Variants in HPSE2 observed in about 807,000 individuals in gnomAD.
HPSE2 encodes inactive heparanase-2.
HPSE2 carries 38 observed loss-of-function variants against 60.5 expected under a neutral mutation model. The ratio of observed to expected loss-of-function variants is 0.63; its 90% CI spans 0.48 to 0.82. The LOEUF is 0.82. Ranked by LOEUF, HPSE2 falls within the 40% of genes least tolerant of loss-of-function variation. The probability of loss-of-function intolerance (pLI) is 0.00; values close to 1 mark genes in which losing one functional copy is unlikely to be tolerated. For synonymous variants in HPSE2, 295 were observed against 293.2 expected, an observed-to-expected ratio of 1.01 and a Z score of -0.06; for missense variants, 713 against 740.4, an observed-to-expected ratio of 0.96 and a Z score of 0.43.
At chr10:99,081,126 G>C (rs1843120657) in intron 3 of HPSE2, among the ~76,000 whole-genome samples, 4 of 152,176 alleles carry the variant, frequency 2.6e-5, no homozygotes. Flanking sequence ...TAAACCAAAA[G>C]TAGAGAATGT....
At chr10:98,600,911 G>GTATATATGTGTGTGTATATATATATATA (rs576143051) in intron 9 of HPSE2, among the ~76,000 whole-genome samples, 1 of 73,700 alleles carries the variant, frequency 1.4e-5, no homozygotes, top group African/African-American at 3.7e-5. Flanking sequence ...ATGTGTGTGT[G>GTATATATGTGTGTGTATATATATATATA]TATATATATA....
At position 98,932,268 on chromosome 10, in the gene HPSE2, C is replaced by T. The variant is rs1159936659; in HGVS notation, c.611-188212G>A. On this transcript the variant is annotated intron_variant, in intron 3 of 11. Coordinates refer to ENST00000370552, the MANE Select transcript of HPSE2 (RefSeq NM_021828.5). ...TTAGTTCTGTTTATGTGATGAATTA[C>T]ATTTATTGATTTGCATATATTGAAC... is the stretch of plus-strand genomic sequence containing the variant. 1.4e-5 allele frequency among the ~76,000 whole-genome samples: 2 copies of T among 144,270 alleles called. 1 individual carries two copies. Among genetic ancestry groups the T allele is most frequent in the African/African-American group, 5.6e-5 (2 of 35,606 alleles). 94.6% of individuals were successfully genotyped at this position (144,270 alleles called of 152,430 possible). A position where few individuals can be genotyped will look rare whatever the true frequency, so the allele number is the denominator to read the frequency against.
intron 3 of HPSE2, among the ~76,000 whole-genome samples, chr10:98,797,858 C>CA (rs1031844558): frequency 7.3e-5 from 11 of 150,660 alleles, no homozygotes; most frequent in African/African-American, 2.7e-4. Context: ...AAACAAAAAA[C>CA]AAAAAAACAA....
chr10:98,821,021 T>A (rs1048652113), intron 3 of HPSE2, among the ~76,000 whole-genome samples: 4 of 152,212 alleles, frequency 2.6e-5, no homozygotes, highest in African/African-American at 7.2e-5. Context: ...ATGAGACACA[T>A]CATGACTGTT....
the HPSE2 span, among the ~76,000 whole-genome samples, chr10:99,281,020 GATA>G: frequency 6.6e-6 from 1 of 151,926 alleles, no homozygotes; most frequent in Admixed American, 6.6e-5. Flanking sequence ...GTAAAATTAT[GATA>G]ATAATAGTAC....
chr10:99,251,446 A>G, the HPSE2 span, among the ~76,000 whole-genome samples: 2 of 152,252 alleles, frequency 1.3e-5, no homozygotes, highest in African/African-American at 2.4e-5. Flanking sequence ...TTCTAGTGAA[A>G]CTATTCCAAA....
intron 8 of HPSE2, among the ~76,000 whole-genome samples, chr10:98,615,309 C>G (rs549459865): frequency 6.6e-6 from 1 of 152,222 alleles, no homozygotes; most frequent in South Asian, 2.1e-4. Context: ...CTTTTTATTC[C>G]TGAAATACTA....
chr10:98,982,743 T>G (rs904152725), intron 3 of HPSE2, among the ~76,000 whole-genome samples: 1 of 152,184 alleles, frequency 6.6e-6, no homozygotes, highest in Non-Finnish European at 1.5e-5. Context: ...CTGTGCTTAC[T>G]GTACTAATCT....
intron 6 of HPSE2, among the ~76,000 whole-genome samples, chr10:98,654,899 G>T (rs762569658): frequency 1.3e-5 from 2 of 152,166 alleles, no homozygotes; most frequent in Non-Finnish European, 2.9e-5. Context: ...AGGCTTCAAA[G>T]CCCCCTAGTA....
chr10:99,304,565 A>G, the HPSE2 span, among the ~76,000 whole-genome samples: 1 of 152,250 alleles, frequency 6.6e-6, no homozygotes, highest in Non-Finnish European at 1.5e-5. Context: ...TGCATCAGAT[A>G]CATTGTAAAA....
At chr10:99,218,886 G>A (rs1849221464) in intron 2 of HPSE2, among the ~76,000 whole-genome samples, 1 of 152,104 alleles carries the variant, frequency 6.6e-6, no homozygotes, top group African/African-American at 2.4e-5. Context: ...ATTCGTAATG[G>A]CCAGGCAAAT....
intron 6 of HPSE2, among the ~76,000 whole-genome samples, chr10:98,688,175 C>T (rs564838494): frequency 6.6e-6 from 1 of 152,150 alleles, no homozygotes; most frequent in African/African-American, 2.4e-5. Flanking sequence ...AAGTATTGTA[C>T]TACTTATATA....
chr10:98,871,565 C>A (rs946122256), intron 3 of HPSE2, among the ~76,000 whole-genome samples: 1 of 151,860 alleles, frequency 6.6e-6, no homozygotes. Context: ...AATTATGTTA[C>A]AGAATTATAT....
At chr10:99,044,920 G>A (rs1286844216) in intron 3 of HPSE2, among the ~76,000 whole-genome samples, 1 of 152,098 alleles carries the variant, frequency 6.6e-6, no homozygotes, top group East Asian at 1.9e-4. Flanking sequence ...ACAATAGTGG[G>A]AGACTTCAAC....
At chr10:99,150,974 C>A (rs144475877) in intron 2 of HPSE2, among the ~76,000 whole-genome samples, 20 of 152,078 alleles carry the variant, frequency 1.3e-4, no homozygotes, top group African/African-American at 3.6e-4. Flanking sequence ...CTAAGCTATG[C>A]AGACTCAGAG....
At chr10:98,683,924 C>G (rs749322228) in intron 6 of HPSE2, among the ~76,000 whole-genome samples, 10 of 151,536 alleles carry the variant, frequency 6.6e-5, no homozygotes, top group Non-Finnish European at 1.5e-4. Flanking sequence ...AAAAGCAGGA[C>G]CAAGAAAAGG....
intron 3 of HPSE2, among the ~76,000 whole-genome samples, chr10:99,119,635 C>T (rs1564822830): frequency 6.6e-6 from 1 of 152,132 alleles, no homozygotes; most frequent in Non-Finnish European, 1.5e-5. Flanking sequence ...ATATCCAAGA[C>T]AATCCTAAGC....
chr10:99,209,124 T>C (rs1848867071), intron 2 of HPSE2, among the ~76,000 whole-genome samples: 1 of 152,108 alleles, frequency 6.6e-6, no homozygotes, highest in Non-Finnish European at 1.5e-5. Context: ...ACATGAACAA[T>C]ACTACAAACC....
chr10:99,038,375 A>AC (rs1381115226), intron 3 of HPSE2, among the ~76,000 whole-genome samples: 1 of 152,206 alleles, frequency 6.6e-6, no homozygotes, highest in East Asian at 1.9e-4. Flanking sequence ...GACTTGGATG[A>AC]CTATCAAGAG....
Sources: allele counts gnomAD v4.1 joint callset (sites outside exome capture counted in the v4.1 genomes callset), GRCh38; gene constraint gnomAD v4.1.1; transcripts MANE v1.5; gene names NCBI Gene and HGNC (gene_info 2026-07-23, HGNC 2026-07-21).